GALNTL6: variants seen among roughly 807,000 people sequenced by gnomAD.
The protein encoded by GALNTL6 is polypeptide N-acetylgalactosaminyltransferase like 6.
GALNTL6 carries 46 observed loss-of-function variants against 73.7 expected under a neutral mutation model. The ratio of observed to expected loss-of-function variants is 0.62; its 90% CI spans 0.49 to 0.80. The LOEUF (loss-of-function observed/expected upper bound fraction) is 0.80, where lower values mean the gene tolerates loss of function less well. Ranked by LOEUF, GALNTL6 falls within the 30% of genes least tolerant of loss-of-function variation. GALNTL6 has a pLI of 0.00. For synonymous variants in GALNTL6, 259 were observed against 263.7 expected (o/e 0.98, Z 0.17); for missense variants, 604 against 755.0 (o/e 0.80, Z 2.34).
At chr4:172,467,979 G>C (rs186397018) in intron 5 of GALNTL6, among the ~76,000 whole-genome samples, 1 of 150,222 alleles carries the variant, frequency 6.7e-6, no homozygotes, top group Admixed American at 6.7e-5. Flanking sequence ...CTACAGCCTG[G>C]AACTCCTGGG....
chr4:172,481,065 T>G (rs973489192), intron 5 of GALNTL6, among the ~76,000 whole-genome samples: 5 of 152,184 alleles, frequency 3.3e-5, no homozygotes, highest in African/African-American at 1.2e-4. Flanking sequence ...CGGTGAGTGT[T>G]ACAGTTCTTA....
At position 172,338,005 on chromosome 4, in the gene GALNTL6, T is replaced by A. The variant is rs1741405061; in HGVS notation, c.387-10518T>A. On this transcript the variant is annotated intron_variant, in intron 4 of 12. Coordinates refer to ENST00000506823, the MANE Select transcript of GALNTL6 (RefSeq NM_001034845.3). ...AAAAAAGATTTTTGCTTGACTAGGT[T>A]AGTTTGAAAACCTGATCTTTGAGCT... Among the ~76,000 whole-genome samples the A allele has an allele frequency of 2.0e-5, 3 of 152,162 alleles. 1 individual carries two copies. In the South Asian group the frequency reaches 6.2e-4, roughly 31 times the overall value.
intron 5 of GALNTL6, among the ~76,000 whole-genome samples, chr4:172,475,439 A>T (rs1309529093): frequency 6.6e-6 from 1 of 152,086 alleles, no homozygotes; most frequent in East Asian, 1.9e-4. Context: ...GTTGGCAGAA[A>T]AAAAAAAAAG....
At chr4:172,969,720 A>G (rs1439168642) in intron 10 of GALNTL6, among the ~76,000 whole-genome samples, 3 of 152,204 alleles carry the variant, frequency 2.0e-5, no homozygotes, top group Non-Finnish European at 2.9e-5. Flanking sequence ...GGTGGGTGCT[A>G]TGATTTGAAT....
intron 3 of GALNTL6, 133 bp from the exon 4 acceptor site, chr4:172,311,480 AT>A (rs1740355731): frequency 1.8e-6 from 1 of 546,414 alleles, no homozygotes; most frequent in Admixed American, 4.1e-5. Flanking sequence ...AAATAATATA[AT>A]AAAATCTTAG....
At chr4:172,733,275 C>T (rs529236955) in intron 5 of GALNTL6, among the ~76,000 whole-genome samples, 2 of 152,300 alleles carry the variant, frequency 1.3e-5, no homozygotes, top group African/African-American at 4.8e-5. Flanking sequence ...TATGGTTTCT[C>T]TTGAGAAGCC....
intron 2 of GALNTL6, among the ~76,000 whole-genome samples, chr4:171,843,086 G>A (rs1735279922): frequency 6.6e-6 from 1 of 151,970 alleles, no homozygotes; most frequent in Non-Finnish European, 1.5e-5. Flanking sequence ...AAACAGAGGA[G>A]GGCTGGTGAG....
intron 3 of GALNTL6, among the ~76,000 whole-genome samples, chr4:172,271,194 A>C (rs7666688): frequency 0.13 from 19,145 of 152,172 alleles, 1,306 homozygotes; most frequent in East Asian, 0.3. Flanking sequence ...TGTTATAAAA[A>C]TGCTATTTTG....
At chr4:172,316,049 T>G (rs1037263840) in intron 4 of GALNTL6, among the ~76,000 whole-genome samples, 4 of 152,122 alleles carry the variant, frequency 2.6e-5, no homozygotes, top group Admixed American at 6.6e-5. Context: ...AAGATAAAAT[T>G]GAAGAATTTT....
chr4:172,423,067 C>A (rs1731107062), intron 5 of GALNTL6, among the ~76,000 whole-genome samples: 1 of 151,764 alleles, frequency 6.6e-6, no homozygotes, highest in Non-Finnish European at 1.5e-5. Flanking sequence ...GAGGTAGACA[C>A]CAGGAAATCA....
At chr4:172,174,078 A>G (rs747135442) in intron 2 of GALNTL6, among the ~76,000 whole-genome samples, 13 of 152,226 alleles carry the variant, frequency 8.5e-5, no homozygotes, top group African/African-American at 3.1e-4. Flanking sequence ...TAGCTGAAAC[A>G]TAGAAAATGG....
chr4:171,910,512 G>A (rs1471988482), intron 2 of GALNTL6, among the ~76,000 whole-genome samples: 1 of 150,514 alleles, frequency 6.6e-6, no homozygotes, highest in East Asian at 1.9e-4. Context: ...AATCATTAAA[G>A]CACCCTATAA....
At chr4:171,938,347 C>G (rs1475891903) in intron 2 of GALNTL6, among the ~76,000 whole-genome samples, 1 of 152,114 alleles carries the variant, frequency 6.6e-6, no homozygotes, top group African/African-American at 2.4e-5. Flanking sequence ...ACTCTTGATT[C>G]AACTTTTCTC....
At chr4:172,996,616 A>G (rs1180629118) in intron 10 of GALNTL6, among the ~76,000 whole-genome samples, 2 of 152,294 alleles carry the variant, frequency 1.3e-5, no homozygotes, top group East Asian at 3.9e-4. Flanking sequence ...GATCAGAAAA[A>G]CACAAATTGT....
chr4:172,998,391 CAAAT>C (rs774770585), intron 10 of GALNTL6, among the ~76,000 whole-genome samples: 2 of 152,190 alleles, frequency 1.3e-5, no homozygotes, highest in Non-Finnish European at 2.9e-5. Flanking sequence ...ATCAGAGTCT[CAAAT>C]GAATTATGTT....
intron 2 of GALNTL6, among the ~76,000 whole-genome samples, chr4:171,866,738 A>ACTT (rs1735980587): frequency 6.6e-6 from 1 of 152,176 alleles, no homozygotes; most frequent in African/African-American, 2.4e-5. Context: ...CAGACTGCTG[A>ACTT]CTTCAGTCTG....
intron 7 of GALNTL6, among the ~76,000 whole-genome samples, chr4:172,844,352 T>A (rs1213240787): frequency 6.6e-6 from 1 of 152,206 alleles, no homozygotes; most frequent in African/African-American, 2.4e-5. Context: ...AGTTGGTGAC[T>A]GCTGTTAATA....
At chr4:171,980,398 A>T (rs1042662034) in intron 2 of GALNTL6, among the ~76,000 whole-genome samples, 2 of 152,220 alleles carry the variant, frequency 1.3e-5, no homozygotes, top group Admixed American at 1.3e-4. Context: ...AGACTTTAGC[A>T]TGTTGAAAAT....
At chr4:171,951,512 A>G (rs1738876750) in intron 2 of GALNTL6, among the ~76,000 whole-genome samples, 1 of 151,632 alleles carries the variant, frequency 6.6e-6, no homozygotes. Context: ...TCACGAGTAA[A>G]AATTTAAAAT....
Sources: allele counts gnomAD v4.1 joint callset (sites outside exome capture counted in the v4.1 genomes callset), GRCh38; gene constraint gnomAD v4.1.1; transcripts MANE v1.5; gene names NCBI Gene and HGNC (gene_info 2026-07-23, HGNC 2026-07-21).